Variants in LGR6 observed in about 807,000 individuals in gnomAD.
LGR6 encodes the protein leucine-rich repeat-containing G protein-coupled receptor 6.
A neutral mutation model predicts 69.4 loss-of-function variants in LGR6; 45 were observed. The ratio of observed to expected loss-of-function variants is 0.65; its 90% CI spans 0.51 to 0.83. The LOEUF is 0.83. Among genes scored for constraint, LGR6 ranks in the 40% least tolerant of loss-of-function variants. The pLI, the probability that LGR6 is intolerant of heterozygous loss-of-function variation, is 0.00. For missense variants in LGR6, 1,108 were observed against 1,246.7 expected (o/e 0.89, Z 1.68); for synonymous variants, 538 against 555.0 (o/e 0.97, Z 0.43).
At chr1:202,202,774 C>G (rs753221682) in intron 1 of LGR6, among the ~76,000 whole-genome samples, 3 of 152,178 alleles carry the variant, frequency 2.0e-5, no homozygotes, top group African/African-American at 7.2e-5. Flanking sequence ...TAGAGCTTGC[C>G]GAGAATGAGA....
intron 4 of LGR6, among the ~76,000 whole-genome samples, chr1:202,275,705 G>A (rs1053698513): frequency 6.6e-6 from 1 of 152,170 alleles, no homozygotes; most frequent in Non-Finnish European, 1.5e-5. Flanking sequence ...GACAGGGAAG[G>A]GCTTACCCTT....
chr1:202,205,521 C>A (rs1161722741), intron 1 of LGR6, among the ~76,000 whole-genome samples: 1 of 92,752 alleles, frequency 1.1e-5, no homozygotes, highest in Non-Finnish European at 2.3e-5. Context: ...ACACACCCTC[C>A]TTCAAGCACA....
intron 4 of LGR6, among the ~76,000 whole-genome samples, chr1:202,256,260 T>C (rs114084515): frequency 0.026 from 4,033 of 152,326 alleles, 70 homozygotes; most frequent in Middle Eastern, 0.092. Context: ...TTTTTTATTT[T>C]TGAGATAGAG....
In LGR6 at chr1:202,239,332, TTG is replaced by T. The variant is rs1035813755; in HGVS notation, c.428+3350_428+3351del. Among the ~76,000 whole-genome samples, 69 of 139,740 alleles carry T rather than the reference TTG, an allele frequency of 4.9e-4. No individual in the cohort carries two copies. The East Asian group carries it at 7.5e-3, about 15-fold the overall frequency. 91.7% of individuals were successfully genotyped at this position (139,740 alleles called of 152,430 possible). ...AGGAAGTGAGTTTGGCTGGCTGAAC[TTG>T]TGTGTGTGTGGTGTGTGTGTGTGTG... On this transcript the variant is annotated intron_variant, in intron 4 of 17. Transcript: ENST00000367278.
In LGR6 at chr1:202,309,171, A is replaced by T; in HGVS notation, c.1401A>T (p.Lys467Asn). ...CCTTCTCCAAGGACAGTTTCCCAAA[A>T]CTGAGGTGAGGGACTGGCTTTCCCC... ...SQAFSKDSFP[K>N]LRILEVPYAY... is the part of the protein sequence containing the mutation. The change falls in exon 15 of 18, where the codon AAA becomes AAT. Residue 467 changes from lysine (K) to asparagine (N), a missense_variant. By Grantham distance (94) the Lys-to-Asn change is moderately conservative (BLOSUM62 0). Coordinates refer to ENST00000367278, the MANE Select transcript of LGR6 (RefSeq NM_001017403.2). The T allele has an allele frequency of 6.2e-7, 1 of 1,613,952 alleles. No homozygotes were observed. The highest frequency in any genetic ancestry group is 8.5e-7 in the Non-Finnish European group (1 of 1,179,902).
chr1:202,196,532 G>T (rs532346882), intron 1 of LGR6, among the ~76,000 whole-genome samples: 1 of 152,182 alleles, frequency 6.6e-6, no homozygotes, highest in African/African-American at 2.4e-5. Flanking sequence ...TCAAACTTTG[G>T]TTCCTTCCTA....
chr1:202,236,794 A>G (rs926962503), intron 4 of LGR6, among the ~76,000 whole-genome samples: 1 of 152,142 alleles, frequency 6.6e-6, no homozygotes, highest in Non-Finnish European at 1.5e-5. Context: ...GCAGTTAGCT[A>G]GTGGGGGAAA....
At chr1:202,239,342 GTGGTGTGT>G (rs1474727205) in intron 4 of LGR6, among the ~76,000 whole-genome samples, 4 of 106,582 alleles carry the variant, frequency 3.8e-5, no homozygotes, top group Middle Eastern at 4.6e-3. Flanking sequence ...TTGTGTGTGT[GTGGTGTGT>G]GTGTGTGTGT....
At chr1:202,305,890 C>G in intron 12 of LGR6, 141 bp downstream of exon 12, 1 of 749,766 alleles carries the variant, frequency 1.3e-6, no homozygotes, top group Admixed American at 2.2e-5. Flanking sequence ...TTTGTTTAAC[C>G]CAGAGTTTAG....
intron 6 of LGR6, among the ~76,000 whole-genome samples, chr1:202,291,249 G>A (rs545035622): frequency 3.3e-4 from 51 of 152,250 alleles, no homozygotes; most frequent in Admixed American, 9.8e-4. Context: ...TCTAGCTCCC[G>A]GGAGCAGGAG....
At chr1:202,217,182 T>C (rs1424030383) in intron 1 of LGR6, among the ~76,000 whole-genome samples, 1 of 152,230 alleles carries the variant, frequency 6.6e-6, no homozygotes, top group Non-Finnish European at 1.5e-5. Flanking sequence ...ACCCTTGGCA[T>C]GCTGTTGCTG....
rs62650682 is a variant in LGR6, at chr1:202,204,988, T to C, written c.212+10787T>C. ...CACACACACACCTAACACACCTCCTTCAAACACACACACACCTCCAAACAC... is the reference window on the plus strand; with the variant it reads ...CACACACACACCTAACACACCTCCTCCAAACACACACACACCTCCAAACAC... On this transcript the variant is annotated intron_variant, in intron 1 of 17. Transcript: ENST00000367278. Among the ~76,000 whole-genome samples the C allele has an allele frequency of 3.8e-3, 16 of 4,200 alleles. 2 individuals carry two copies. Among genetic ancestry groups the C allele is most frequent in the East Asian group, 0.022 (2 of 90 alleles). 2.8% of individuals were successfully genotyped at this position (4,200 alleles called of 152,430 possible).
Position 202,225,420 on chromosome 1 carries a change from C to T in LGR6, c.213-3C>T. 6.2e-7 allele frequency: 1 copy of T among 1,613,564 alleles called. No homozygotes were observed. Among genetic ancestry groups the T allele is most frequent in the Non-Finnish European group, 8.5e-7 (1 of 1,179,552 alleles). On this transcript the variant is annotated splice_region_variant and splice_polypyrimidine_tract_variant and intron_variant, in intron 1 of 17. Coordinates refer to ENST00000367278, the MANE Select transcript of LGR6 (RefSeq NM_001017403.2). ...GCTCCTTTTTCCATCTTCTCTCCACCAGGGACCTCAGCATGAACAACCTCA... is the reference window on the plus strand; with the variant it reads ...GCTCCTTTTTCCATCTTCTCTCCACTAGGGACCTCAGCATGAACAACCTCA...
chr1:202,225,097 C>A (rs1660420269), intron 1 of LGR6, among the ~76,000 whole-genome samples: 1 of 152,224 alleles, frequency 6.6e-6, no homozygotes, highest in South Asian at 2.1e-4. Context: ...TAGTTCCTCG[C>A]TTTATAGGGA....
chr1:202,309,254 C>T, intron 15 of LGR6, 78 bp downstream of exon 15: 1 of 1,554,872 alleles, frequency 6.4e-7, no homozygotes, highest in Non-Finnish European at 8.8e-7. Context: ...CCAGATGGCC[C>T]CACCCTGAGA....
chr1:202,253,307 C>G (rs1010756525), intron 4 of LGR6, among the ~76,000 whole-genome samples: 3 of 145,000 alleles, frequency 2.1e-5, no homozygotes, highest in Non-Finnish European at 4.6e-5. Context: ...TCCTAATACT[C>G]TTTTTTTTTT....
At chr1:202,205,641 AAC>A (rs67852097) in intron 1 of LGR6, among the ~76,000 whole-genome samples, 32,150 of 133,110 alleles carry the variant, frequency 0.24, 3,921 homozygotes, top group East Asian at 0.36. Flanking sequence ...ACCTCCTTCA[AAC>A]ACACACACAC....
At chr1:202,233,932 A>G (rs1444271560) in intron 3 of LGR6, among the ~76,000 whole-genome samples, 1 of 152,216 alleles carries the variant, frequency 6.6e-6, no homozygotes, top group Non-Finnish European at 1.5e-5. Context: ...CTGGAAAGCA[A>G]CAGAGCTAGG....
At chr1:202,237,161 T>G (rs1406340021) in intron 4 of LGR6, among the ~76,000 whole-genome samples, 1 of 152,152 alleles carries the variant, frequency 6.6e-6, no homozygotes, top group Admixed American at 6.6e-5. Flanking sequence ...AGAACCTGCC[T>G]CCCTGCACTC....
Sources: gnomAD v4.1 joint callset for allele counts (sites outside exome capture counted in the v4.1 genomes callset) on GRCh38, gnomAD v4.1.1 for gene constraint, MANE v1.5 for transcripts, NCBI Gene and HGNC (gene_info 2026-07-23, HGNC 2026-07-21) for gene names.